The following SLC24A3 variants were observed in gnomAD, a reference collection of about 807,000 sequenced individuals.
The protein encoded by SLC24A3 is solute carrier family 24 member 3.
SLC24A3 carries 28 observed loss-of-function variants against 75.8 expected under a neutral mutation model. The observed-to-expected ratio is 0.37, with a 90% CI of 0.27 to 0.51. The LOEUF (loss-of-function observed/expected upper bound fraction) is 0.51. Ranked by LOEUF, SLC24A3 falls within the 20% of genes least tolerant of loss-of-function variation. SLC24A3 has a pLI of 0.94. For missense variants in SLC24A3, 663 were observed against 847.8 expected (o/e 0.78, Z 2.71); for synonymous variants, 372 against 334.1 (o/e 1.11, Z -1.24).
chr20:19,218,135 A>G (rs982651258), intron 1 of SLC24A3, among the ~76,000 whole-genome samples: 4 of 152,194 alleles, frequency 2.6e-5, no homozygotes, highest in Non-Finnish European at 5.9e-5. Context: ...TGGTAAATAA[A>G]GACGCTCTTT....
intron 1 of SLC24A3, among the ~76,000 whole-genome samples, chr20:19,258,646 G>A (rs1982890644): frequency 6.6e-6 from 1 of 152,180 alleles, no homozygotes; most frequent in African/African-American, 2.4e-5. Flanking sequence ...AAGTTGCAGT[G>A]AGCTGAGATC....
chr20:19,559,539 G>A (rs190873144), intron 3 of SLC24A3, among the ~76,000 whole-genome samples: 2 of 151,956 alleles, frequency 1.3e-5, no homozygotes, highest in Admixed American at 1.3e-4. Context: ...TTCCTTTTGT[G>A]TGTTCTATGT....
In SLC24A3 at chr20:19,721,487, T is replaced by C. The variant is rs1378762878; in HGVS notation, c.*347T>C. ...CTGATTCCAATCCCTCCTCCTTTTT[T>C]AAGTTATTTGATGGAAGACTCACCT... is the stretch of plus-strand genomic sequence containing the variant. On this transcript the variant is annotated 3_prime_UTR_variant, in exon 17 of 17. Coordinates refer to ENST00000328041, the MANE Select transcript of SLC24A3 (RefSeq NM_020689.4). 1 of 214,376 alleles carries C rather than the reference T, an allele frequency of 4.7e-6. No individual in the cohort carries two copies. The highest frequency in any genetic ancestry group is 2.3e-5 in the African/African-American group (1 of 43,474). The allele number at this position is 214,376 out of a possible 1,614,324, so 13.3% of individuals were successfully genotyped here.
intron 2 of SLC24A3, among the ~76,000 whole-genome samples, chr20:19,487,142 A>T (rs1377313680): frequency 6.6e-6 from 1 of 152,218 alleles, no homozygotes; most frequent in Admixed American, 6.5e-5. Flanking sequence ...CTGTACCCTT[A>T]TGACTCTTCT....
chr20:19,245,077 G>A (rs752147647), intron 1 of SLC24A3, among the ~76,000 whole-genome samples: 9 of 152,076 alleles, frequency 5.9e-5, no homozygotes, highest in East Asian at 1.9e-4. Context: ...TGGTAAATCC[G>A]CTTCTCACAA....
At chr20:19,222,589 A>T (rs1048243511) in intron 1 of SLC24A3, among the ~76,000 whole-genome samples, 2 of 152,230 alleles carry the variant, frequency 1.3e-5, no homozygotes, top group Non-Finnish European at 2.9e-5. Context: ...GGAATCTGGG[A>T]ATGGGGAAGG....
chr20:19,644,762 G>T (rs985667836), intron 6 of SLC24A3, among the ~76,000 whole-genome samples: 1 of 152,178 alleles, frequency 6.6e-6, no homozygotes, highest in Non-Finnish European at 1.5e-5. Context: ...TGGGCTGAGA[G>T]CCCATTTCCT....
At chr20:19,653,543 G>T (rs2032231393) in intron 6 of SLC24A3, among the ~76,000 whole-genome samples, 1 of 152,216 alleles carries the variant, frequency 6.6e-6, no homozygotes, top group Non-Finnish European at 1.5e-5. Flanking sequence ...ACTCCACGGG[G>T]CAAGACAGGC....
intron 6 of SLC24A3, among the ~76,000 whole-genome samples, chr20:19,628,702 C>G (rs1434989289): frequency 6.6e-6 from 1 of 152,022 alleles, no homozygotes; most frequent in African/African-American, 2.4e-5. Flanking sequence ...GCTTGCTACA[C>G]CACTACCAGA....
chr20:19,445,470 A>G (rs1031080291), intron 2 of SLC24A3, among the ~76,000 whole-genome samples: 2 of 152,212 alleles, frequency 1.3e-5, no homozygotes, highest in African/African-American at 4.8e-5. Flanking sequence ...TATTTAAGGC[A>G]AATAGTTTAT....
chr20:19,262,018 C>T lies in SLC24A3; in HGVS notation c.143-18941C>T, dbSNP rs118114293. The T allele has an allele frequency of 7.9e-3, 1,208 of 152,524 alleles. 9 individuals are homozygous for T. Among genetic ancestry groups the T allele is most frequent in the Non-Finnish European group, 9.2e-3 (627 of 68,246 alleles). 9.4% of individuals were successfully genotyped at this position (152,524 alleles called of 1,614,324 possible). A position where few individuals can be genotyped will look rare whatever the true frequency, so the allele number is the denominator to read the frequency against. On this transcript the variant is annotated intron_variant, in intron 1 of 16. Transcript: ENST00000328041. Reference sequence around the variant, plus strand: ...GGACCCAGTGTTGTTTTCTCCTTTCCCTCCCTTCCTTATGTTAGCATCATT... The same window carrying T: ...GGACCCAGTGTTGTTTTCTCCTTTCTCTCCCTTCCTTATGTTAGCATCATT...
intron 2 of SLC24A3, among the ~76,000 whole-genome samples, chr20:19,431,227 C>G (rs2122452538): frequency 6.6e-6 from 1 of 151,734 alleles, no homozygotes; most frequent in South Asian, 2.1e-4. Flanking sequence ...CTCCGAGAAA[C>G]AGATGCCAAG....
chr20:19,288,647 A>G (rs1166373277), intron 2 of SLC24A3, among the ~76,000 whole-genome samples: 3 of 152,226 alleles, frequency 2.0e-5, no homozygotes, highest in African/African-American at 7.2e-5. Flanking sequence ...CGGTATGATG[A>G]TGCCCAGTTG....
chr20:19,713,149 A>G (rs2033008133), intron 15 of SLC24A3, among the ~76,000 whole-genome samples: 1 of 152,246 alleles, frequency 6.6e-6, no homozygotes, highest in South Asian at 2.1e-4. Flanking sequence ...AATGAACTCT[A>G]CTTAATGAGA....
rs75032252 is a variant in SLC24A3, at chr20:19,257,344, G to A, written c.143-23615G>A. Among the ~76,000 whole-genome samples the A allele has an allele frequency of 4.2e-3, 642 of 152,300 alleles. 10 individuals are homozygous for A. Among genetic ancestry groups the A allele is most frequent in the African/African-American group, 0.015 (606 of 41,576 alleles). ...TCCTTAATCGATCCTCCTCTCAGAC[G>A]GTTGACTCCGCTGAGACTGGCCCTG... is the stretch of plus-strand genomic sequence containing the variant. On this transcript the variant is annotated intron_variant, in intron 1 of 16. Coordinates refer to ENST00000328041, the MANE Select transcript of SLC24A3 (RefSeq NM_020689.4).
At chr20:19,255,279 CAGT>C (rs1982780951) in intron 1 of SLC24A3, among the ~76,000 whole-genome samples, 1 of 152,200 alleles carries the variant, frequency 6.6e-6, no homozygotes, top group Admixed American at 6.5e-5. Context: ...TGCTGCCTGT[CAGT>C]GGTGGCTGCT....
chr20:19,578,849 G>A (rs1407525266), intron 3 of SLC24A3, among the ~76,000 whole-genome samples: 1 of 152,138 alleles, frequency 6.6e-6, no homozygotes, highest in Non-Finnish European at 1.5e-5. Context: ...CAAGGGCTCA[G>A]TGATGTTATC....
intron 2 of SLC24A3, among the ~76,000 whole-genome samples, chr20:19,418,494 G>A (rs759136612): frequency 2.0e-5 from 3 of 151,912 alleles, no homozygotes; most frequent in Non-Finnish European, 4.4e-5. Flanking sequence ...ACTGGTCTGT[G>A]CAATCTAAAA....
At chr20:19,428,972 G>A (rs527238066) in intron 2 of SLC24A3, among the ~76,000 whole-genome samples, 1 of 152,300 alleles carries the variant, frequency 6.6e-6, no homozygotes, top group Non-Finnish European at 1.5e-5. Flanking sequence ...GCAAGCATGG[G>A]ATGCCTTCTT....
Sources: gnomAD v4.1 joint callset for allele counts (sites outside exome capture counted in the v4.1 genomes callset) on GRCh38, gnomAD v4.1.1 for gene constraint, MANE v1.5 for transcripts, NCBI Gene and HGNC (gene_info 2026-07-23, HGNC 2026-07-21) for gene names.